ANKIB1: variants seen among roughly 807,000 people sequenced by gnomAD.
The protein encoded by ANKIB1 is ankyrin repeat and IBR domain-containing protein 1.
Under a neutral mutation model 122.1 loss-of-function variants are expected in ANKIB1, and 43 were observed. The ratio of observed to expected loss-of-function variants is 0.35; its 90% CI spans 0.28 to 0.45. ANKIB1 has a LOEUF of 0.45. Among genes scored for constraint, ANKIB1 ranks in the 20% least tolerant of loss-of-function variants. ANKIB1 has a pLI of 1.00. For missense variants in ANKIB1, 992 were observed against 1,329.5 expected (o/e 0.75, Z 3.95); for synonymous variants, 390 against 442.0 (o/e 0.88, Z 1.48).
intron 9 of ANKIB1, among the ~76,000 whole-genome samples, chr7:92,354,209 C>G (rs565557394): frequency 6.6e-6 from 1 of 152,284 alleles, no homozygotes; most frequent in Non-Finnish European, 1.5e-5. Context: ...AGGTCAGACT[C>G]TATAAACATA....
chr7:92,358,598 T>C lies in ANKIB1; in HGVS notation c.1398-3587T>C, dbSNP rs1449927836. 1.2e-4 allele frequency among the ~76,000 whole-genome samples: 18 copies of C among 151,396 alleles called. No homozygotes were observed. In the East Asian group the frequency reaches 3.5e-3, roughly 29 times the overall value. Reference sequence around the variant, plus strand: ...GGGCTTTGTTCCCCCATGATTCTTTTTTTTTTTCCCAGAACATTTTCAGAA... The same window carrying C: ...GGGCTTTGTTCCCCCATGATTCTTTCTTTTTTTCCCAGAACATTTTCAGAA... On this transcript the variant is annotated intron_variant, in intron 9 of 19. Coordinates refer to ENST00000265742, the MANE Select transcript of ANKIB1 (RefSeq NM_019004.2).
At chr7:92,309,951 A>G (rs1802656358) in intron 3 of ANKIB1, among the ~76,000 whole-genome samples, 2 of 141,092 alleles carry the variant, frequency 1.4e-5, no homozygotes, top group African/African-American at 2.6e-5. Context: ...AAATATATAT[A>G]TATATATATA....
intron 1 of ANKIB1, among the ~76,000 whole-genome samples, chr7:92,266,980 G>T (rs183809705): frequency 1.5e-4 from 23 of 152,268 alleles, no homozygotes; most frequent in Middle Eastern, 3.4e-3. Flanking sequence ...TGAGTTGAGA[G>T]GCAGTGAGTT....
At chr7:92,261,390 GTTTGTTTTGTTTTGT>G (rs3041533) in intron 1 of ANKIB1, among the ~76,000 whole-genome samples, 17 of 145,082 alleles carry the variant, frequency 1.2e-4, no homozygotes, top group South Asian at 2.1e-4. Context: ...TATGTTTTTT[GTTTGTTTTGTTTTGT>G]TTTGTTTTGT....
intron 9 of ANKIB1, among the ~76,000 whole-genome samples, chr7:92,353,976 G>T (rs991860166): frequency 6.6e-6 from 1 of 152,184 alleles, no homozygotes; most frequent in African/African-American, 2.4e-5. Context: ...ATTAGCTTTT[G>T]CAGAGATCAG....
At chr7:92,297,144 A>C (rs952148988) in intron 2 of ANKIB1, among the ~76,000 whole-genome samples, 2 of 152,152 alleles carry the variant, frequency 1.3e-5, no homozygotes, top group Admixed American at 6.6e-5. Context: ...TTTATGAGGT[A>C]GTTTATTGTC....
chr7:92,328,312 T>G (rs1464119895), intron 5 of ANKIB1, among the ~76,000 whole-genome samples: 1 of 152,176 alleles, frequency 6.6e-6, no homozygotes, highest in African/African-American at 2.4e-5. Flanking sequence ...CTATTAGTAT[T>G]GTCAGTTGTA....
At chr7:92,344,945 TC>T in intron 6 of ANKIB1, 32 bp from the exon 7 acceptor site, 1 of 1,519,374 alleles carries the variant, frequency 6.6e-7, no homozygotes, top group Non-Finnish European at 9.1e-7. Flanking sequence ...GAAGTACATT[TC>T]TGTTTAAATC....
At chr7:92,319,624 CT>C (rs1203168015) in intron 4 of ANKIB1, 112 bp downstream of exon 4, 4 of 1,048,498 alleles carry the variant, frequency 3.8e-6, no homozygotes, top group Non-Finnish European at 5.5e-6. Flanking sequence ...TTACAGTATT[CT>C]AAATATCCTG....
intron 1 of ANKIB1, among the ~76,000 whole-genome samples, chr7:92,292,343 T>TAATA (rs1802266453): frequency 6.6e-6 from 1 of 152,228 alleles, no homozygotes; most frequent in South Asian, 2.1e-4. Flanking sequence ...AGAGTAACAG[T>TAATA]AATATTTAAT....
chr7:92,300,623 AATAT>A (rs201103880), intron 2 of ANKIB1, among the ~76,000 whole-genome samples: 1 of 151,586 alleles, frequency 6.6e-6, no homozygotes, highest in African/African-American at 2.4e-5. Context: ...GTGATGTTTT[AATAT>A]ATATATATAC....
intron 9 of ANKIB1, among the ~76,000 whole-genome samples, 194 bp downstream of exon 9, chr7:92,352,836 T>A (rs1306782094): frequency 6.6e-6 from 1 of 152,210 alleles, no homozygotes; most frequent in Non-Finnish European, 1.5e-5. Context: ...ACACCAGCTA[T>A]TTTTTACATA....
intron 2 of ANKIB1, among the ~76,000 whole-genome samples, chr7:92,305,800 G>A (rs546744490): frequency 6.6e-6 from 1 of 152,220 alleles, no homozygotes; most frequent in East Asian, 1.9e-4. Flanking sequence ...TTGGAACCTG[G>A]ACAAAAAATG....
intron 11 of ANKIB1, among the ~76,000 whole-genome samples, chr7:92,374,035 A>G (rs1804329231): frequency 6.6e-6 from 1 of 152,186 alleles, no homozygotes; most frequent in Non-Finnish European, 1.5e-5. Context: ...TTCAAACTGC[A>G]TACTGAAACT....
intron 9 of ANKIB1, among the ~76,000 whole-genome samples, chr7:92,354,845 G>C (rs187558903): frequency 7.4e-4 from 113 of 152,284 alleles, no homozygotes; most frequent in African/African-American, 2.0e-3. Context: ...CTTTACAAGA[G>C]AGATCTTCAC....
At chr7:92,363,122 T>C (rs915759037) in intron 10 of ANKIB1, among the ~76,000 whole-genome samples, 9 of 151,500 alleles carry the variant, frequency 5.9e-5, no homozygotes, top group Non-Finnish European at 1.2e-4. Flanking sequence ...AAATCTACAC[T>C]TATAGGGGCC....
intron 1 of ANKIB1, among the ~76,000 whole-genome samples, chr7:92,263,373 C>G (rs2131884242): frequency 6.6e-6 from 1 of 152,268 alleles, no homozygotes; most frequent in South Asian, 2.1e-4. Flanking sequence ...GGTTGGATTT[C>G]ATAAAGATAA....
intron 11 of ANKIB1, among the ~76,000 whole-genome samples, chr7:92,376,653 T>A (rs898020652): frequency 2.0e-5 from 3 of 152,078 alleles, no homozygotes; most frequent in Middle Eastern, 3.2e-3. Flanking sequence ...TTCACCATGT[T>A]TGCTAGGCTG....
chr7:92,400,714 C>T lies in ANKIB1; in HGVS notation c.*1765C>T, dbSNP rs905433756. 1 of 152,108 alleles carries T rather than the reference C, an allele frequency of 6.6e-6. No homozygotes were observed. Among genetic ancestry groups the T allele is most frequent in the African/African-American group, 2.4e-5 (1 of 41,424 alleles). 9.4% of individuals were successfully genotyped at this position (152,108 alleles called of 1,614,324 possible). A position where few individuals can be genotyped will look rare whatever the true frequency, so the allele number is the denominator to read the frequency against. On this transcript the variant is annotated 3_prime_UTR_variant, in exon 20 of 20. Transcript: ENST00000265742. ...ATAAACTGTGGGAATCCTCCTATGC[C>T]ATGGATATCAAAGGTCCACATTAGT...
Sources: gnomAD v4.1 joint callset for allele counts (sites outside exome capture counted in the v4.1 genomes callset) on GRCh38, gnomAD v4.1.1 for gene constraint, MANE v1.5 for transcripts, NCBI Gene and HGNC (gene_info 2026-07-23, HGNC 2026-07-21) for gene names.